CD276: variants seen among roughly 807,000 people sequenced by gnomAD.
CD276 encodes CD276 antigen.
A neutral mutation model predicts 50.0 loss-of-function variants in CD276; 34 were observed. That is an observed-to-expected ratio of 0.68 (90% CI 0.52 to 0.91). The LOEUF (loss-of-function observed/expected upper bound fraction) is 0.91. CD276 is among the 40% of genes least tolerant of loss of function. The probability of loss-of-function intolerance (pLI) is 0.00; values close to 1 mark genes in which losing one functional copy is unlikely to be tolerated. For synonymous variants in CD276, 275 were observed against 313.0 expected (o/e 0.88, Z 1.28); for missense variants, 634 against 717.5 (o/e 0.88, Z 1.33).
At chr15:73,694,609 C>T (rs569312347) in intron 1 of CD276, among the ~76,000 whole-genome samples, 3 of 152,316 alleles carry the variant, frequency 2.0e-5, no homozygotes, top group African/African-American at 4.8e-5. Flanking sequence ...GCTGCTCTGC[C>T]GTCCTCAGGG....
intron 6 of CD276, among the ~76,000 whole-genome samples, chr15:73,707,516 A>G (rs1247780489): frequency 6.6e-6 from 1 of 151,804 alleles, no homozygotes; most frequent in Non-Finnish European, 1.5e-5. Flanking sequence ...CCTTGGGGAA[A>G]CTCCAAGCCC....
chr15:73,704,083 A>G lies in CD276; in HGVS notation c.1072+86A>G. ...CCCTCTGCTGCACCACTGCTCCCAG[A>G]ACCCCAGTGCTGATTCCTGTACTCA... On this transcript the variant is annotated intron_variant, in intron 5 of 9. Transcript: ENST00000318443. This position sits in a 1 kb window ranked among gnomAD's most constrained non-coding sequence, Gnocchi z 4.1. 2 of 1,561,252 alleles carry G rather than the reference A, an allele frequency of 1.3e-6. No homozygotes were observed. Among genetic ancestry groups the G allele is most frequent in the South Asian group, 1.2e-5 (1 of 82,764 alleles).
intron 9 of CD276, chr15:73,712,154 CAA>C (rs386383477): frequency 0.039 from 3,705 of 95,802 alleles, 68 homozygotes; most frequent in East Asian, 0.079. Flanking sequence ...GATTCCATCT[CAA>C]AAAAAAAAAA....
chr15:73,696,152 T>A (rs999032192), intron 1 of CD276, among the ~76,000 whole-genome samples: 1 of 152,164 alleles, frequency 6.6e-6, no homozygotes, highest in African/African-American at 2.4e-5. Context: ...GGTTTTGGGA[T>A]AGAGCAGGAA....
intron 7 of CD276, among the ~76,000 whole-genome samples, chr15:73,709,028 T>C (rs867264231): frequency 6.6e-6 from 1 of 151,734 alleles, no homozygotes; most frequent in African/African-American, 2.4e-5. Context: ...TGAGAGTAGA[T>C]GGGTAGTCAG....
At chr15:73,696,321 G>A (rs920899711) in intron 1 of CD276, among the ~76,000 whole-genome samples, 3 of 152,126 alleles carry the variant, frequency 2.0e-5, no homozygotes, top group East Asian at 1.9e-4. Context: ...GTGGCTCCAC[G>A]TGGCTCTGGG....
In CD276 at chr15:73,702,466, G is replaced by A. The variant is rs761430222; in HGVS notation, c.291G>A (p.Pro97=). ...ATGCCAACCGCACGGCCCTCTTCCC[G>A]GACCTGCTGGCACAGGGCAACGCAT... is the stretch of plus-strand genomic sequence containing the variant. ...SAYANRTALF[P]DLLAQGNASL... is the part of the protein sequence containing the mutation. The change falls in exon 3 of 10, where the codon CCG becomes CCA. Residue 97 remains proline, a synonymous_variant. Coordinates refer to ENST00000318443, the MANE Select transcript of CD276 (RefSeq NM_001024736.2). 18 of 1,613,562 alleles carry A rather than the reference G, an allele frequency of 1.1e-5. No homozygotes were observed. Among genetic ancestry groups the A allele is most frequent in the East Asian group, 6.7e-5 (3 of 44,888 alleles).
At chr15:73,708,746 G>A (rs113559337) in intron 7 of CD276, 17 of 484,290 alleles carry the variant, frequency 3.5e-5, no homozygotes, top group Middle Eastern at 5.7e-4. Flanking sequence ...GCTACAAAGG[G>A]ATGAGTGTGT....
At chr15:73,701,840 C>T (rs1900401643) in intron 2 of CD276, among the ~76,000 whole-genome samples, 3 of 152,244 alleles carry the variant, frequency 2.0e-5, no homozygotes. Flanking sequence ...TATAACATTA[C>T]TTACGCTCAT....
chr15:73,691,176 T>C (rs1671378162), intron 1 of CD276, among the ~76,000 whole-genome samples: 2 of 151,288 alleles, frequency 1.3e-5, no homozygotes, highest in South Asian at 4.2e-4. Flanking sequence ...AGCAGACATA[T>C]TTGAGGAGTC....
In CD276 at chr15:73,684,411, A is replaced by T. The variant is rs1404399031; in HGVS notation, c.-104A>T. 2 of 151,436 alleles carry T rather than the reference A, an allele frequency of 1.3e-5. No individual in the cohort carries two copies. Among genetic ancestry groups the T allele is most frequent in the South Asian group, 2.1e-4 (1 of 4,820 alleles). The allele number at this position is 151,436 out of a possible 1,614,324, so 9.4% of individuals were successfully genotyped here. On this transcript the variant is annotated 5_prime_UTR_variant, in exon 1 of 10. Transcript: ENST00000318443. ...CGGGCCGGGCCTCGCTGCGGCGGCGACTGAGCCAGGCTGGGCCGCGTCCCT... is the reference window on the plus strand; with the variant it reads ...CGGGCCGGGCCTCGCTGCGGCGGCGTCTGAGCCAGGCTGGGCCGCGTCCCT...
In CD276 at chr15:73,704,399, G is replaced by A. The variant is rs769323945; in HGVS notation, c.1296G>A (p.Ala432=). The A allele has an allele frequency of 6.9e-5, 112 of 1,614,038 alleles. No individual in the cohort carries two copies. The highest frequency in any genetic ancestry group is 2.1e-4 in the South Asian group (19 of 91,086). ...VHSVLRVVLG[A]NGTYSCLVRN... is the part of the protein sequence containing the mutation. ...GCGTCCTGCGGGTGGTGCTGGGTGC[G>A]AATGGCACCTACAGCTGCCTGGTGC... Residue 432 remains alanine (A), a synonymous_variant, in exon 6 of 10, where the codon GCG becomes GCA. Transcript: ENST00000318443. This position sits in a 1 kb window ranked among gnomAD's most constrained non-coding sequence, Gnocchi z 4.1.
intron 7 of CD276, among the ~76,000 whole-genome samples, chr15:73,709,139 G>A (rs1330474369): frequency 6.6e-6 from 1 of 152,132 alleles, no homozygotes; most frequent in Non-Finnish European, 1.5e-5. Flanking sequence ...GGATGAGCAG[G>A]TAGACGGCTG....
intron 9 of CD276, 130 bp downstream of exon 9, chr15:73,711,300 T>G: frequency 1.1e-6 from 1 of 939,550 alleles, no homozygotes; most frequent in Non-Finnish European, 1.7e-6. Context: ...CAGCCTCAAC[T>G]TCCCCCTGGT....
chr15:73,697,378 C>T (rs557513459), intron 1 of CD276, among the ~76,000 whole-genome samples: 7 of 107,328 alleles, frequency 6.5e-5, no homozygotes, highest in African/African-American at 2.6e-4. Flanking sequence ...TGGAGGGTGG[C>T]GGGGGGCGGG....
rs1846267560 is a variant in CD276, at chr15:73,712,802, C to T, written c.1583-132C>T. 3.3e-6 allele frequency: 3 copies of T among 913,858 alleles called. No homozygotes were observed. The Admixed American group carries it at 6.8e-5, about 21-fold the overall frequency. The allele number at this position is 913,858 out of a possible 1,614,324, so 56.6% of individuals were successfully genotyped here. ...GTCAGCACGGGGGCTGTCCGTTGGG[C>T]TGCTGTCTCACACACACTCCCCACT... On this transcript the variant is annotated intron_variant, in intron 9 of 9. Transcript: ENST00000318443.
At chr15:73,689,968 T>C (rs1392196697) in intron 1 of CD276, among the ~76,000 whole-genome samples, 3 of 152,164 alleles carry the variant, frequency 2.0e-5, no homozygotes, top group African/African-American at 7.2e-5. Context: ...GCTGTTTTCC[T>C]TTTTTCGTTA....
intron 8 of CD276, among the ~76,000 whole-genome samples, chr15:73,710,881 C>T (rs1002013045): frequency 6.6e-5 from 10 of 152,030 alleles, no homozygotes; most frequent in African/African-American, 2.2e-4. Flanking sequence ...GTGGAGGGCT[C>T]GAGGGTTGTC....
chr15:73,703,610 G>C, intron 4 of CD276, 49 bp from the exon 5 acceptor site: 3 of 1,437,502 alleles, frequency 2.1e-6, no homozygotes, highest in Non-Finnish European at 2.8e-6. Flanking sequence ...TGGTAGCCTA[G>C]AGAGTCCCAT....
Sources: gnomAD v4.1 joint callset for allele counts (sites outside exome capture counted in the v4.1 genomes callset) on GRCh38, gnomAD v4.1.1 for gene constraint, Gnocchi (gnomAD v3.1) non-coding constraint, MANE v1.5 for transcripts, NCBI Gene and HGNC (gene_info 2026-07-23, HGNC 2026-07-21) for gene names.